NRG3: variants seen among roughly 807,000 people sequenced by gnomAD.
NRG3 encodes pro-neuregulin-3, membrane-bound isoform.
Under a neutral mutation model 66.9 loss-of-function variants are expected in NRG3, and 31 were observed. That is an observed-to-expected ratio of 0.46 (90% CI 0.35 to 0.63). The LOEUF (loss-of-function observed/expected upper bound fraction) is 0.63, where lower values mean the gene tolerates loss of function less well. Among genes scored for constraint, NRG3 ranks in the 20% least tolerant of loss-of-function variants. The pLI is 0.00. For synonymous variants in NRG3, 393 were observed against 359.4 expected (o/e 1.09, Z -1.06); for missense variants, 910 against 878.9 (o/e 1.04, Z -0.45).
At chr10:82,758,474 T>A (rs1414443632) in intron 3 of NRG3, among the ~76,000 whole-genome samples, 1 of 152,124 alleles carries the variant, frequency 6.6e-6, no homozygotes, top group African/African-American at 2.4e-5. Context: ...TTCTCTCATT[T>A]GATAAGAAAA....
chr10:82,516,240 A>G (rs948550923), intron 2 of NRG3, among the ~76,000 whole-genome samples: 3 of 152,064 alleles, frequency 2.0e-5, no homozygotes, highest in African/African-American at 7.2e-5. Flanking sequence ...TGTCTATGAC[A>G]TTCTCACTCT....
intron 1 of NRG3, among the ~76,000 whole-genome samples, chr10:82,187,341 G>A (rs961047618): frequency 1.2e-4 from 18 of 152,104 alleles, no homozygotes; most frequent in South Asian, 4.1e-4. Context: ...TGCCATTAAG[G>A]CATCGTTGCC....
In NRG3 at chr10:81,878,565, T is replaced by A. The variant is rs112936942; in HGVS notation, c.823+2402T>A. ...GATTATCAGCAGTGCTACTGTAGGATGAAAAAAGCCTGAATCACTGGTGTT... is the reference window on the plus strand; with the variant it reads ...GATTATCAGCAGTGCTACTGTAGGAAGAAAAAAGCCTGAATCACTGGTGTT... On this transcript the variant is annotated intron_variant, in intron 1 of 8. Transcript: ENST00000372141. 1.8e-3 allele frequency among the ~76,000 whole-genome samples: 274 copies of A among 152,312 alleles called. 2 individuals carry two copies. The highest frequency in any genetic ancestry group is 6.4e-3 in the African/African-American group (264 of 41,572).
At chr10:82,078,444 G>A (rs184524098) in intron 1 of NRG3, among the ~76,000 whole-genome samples, 157 of 152,220 alleles carry the variant, frequency 1.0e-3, no homozygotes, top group South Asian at 3.5e-3. Context: ...TCCGCCTCCC[G>A]CGTTCATGCC....
At chr10:81,971,177 C>G (rs562754281) in intron 1 of NRG3, among the ~76,000 whole-genome samples, 1 of 152,174 alleles carries the variant, frequency 6.6e-6, no homozygotes, top group Non-Finnish European at 1.5e-5. Flanking sequence ...AGTATTGTGC[C>G]TATGCAAGTG....
chr10:82,095,743 C>T (rs2066297266), intron 1 of NRG3, among the ~76,000 whole-genome samples: 1 of 152,188 alleles, frequency 6.6e-6, no homozygotes, highest in Non-Finnish European at 1.5e-5. Context: ...TAAAACTTAA[C>T]TCACTCTTCC....
At chr10:82,116,831 G>C (rs1473042370) in intron 1 of NRG3, among the ~76,000 whole-genome samples, 1 of 152,032 alleles carries the variant, frequency 6.6e-6, no homozygotes, top group African/African-American at 2.4e-5. Flanking sequence ...AAGATTTGAG[G>C]AGCTACTTCC....
chr10:82,278,293 C>T (rs139260907), intron 1 of NRG3, among the ~76,000 whole-genome samples: 38 of 152,112 alleles, frequency 2.5e-4, no homozygotes, highest in African/African-American at 8.9e-4. Context: ...GGAGAAGGTG[C>T]GTGCAGATGT....
intron 1 of NRG3, among the ~76,000 whole-genome samples, chr10:82,226,271 C>T (rs900077824): frequency 6.6e-6 from 1 of 152,138 alleles, no homozygotes; most frequent in South Asian, 2.1e-4. Flanking sequence ...ATTTGTACAT[C>T]AAGGAATTCT....
intron 6 of NRG3, 43 bp downstream of exon 6, chr10:82,959,118 G>A: frequency 5.2e-6 from 8 of 1,525,374 alleles, no homozygotes; most frequent in Non-Finnish European, 7.0e-6. Flanking sequence ...GCCTACCTCA[G>A]TGCTTCCAGC....
intron 1 of NRG3, among the ~76,000 whole-genome samples, chr10:81,943,841 C>T (rs1253667465): frequency 1.3e-5 from 2 of 152,080 alleles, no homozygotes; most frequent in Non-Finnish European, 2.9e-5. Flanking sequence ...TTTTTTCTTA[C>T]ATTTACTCAC....
intron 2 of NRG3, among the ~76,000 whole-genome samples, chr10:82,611,008 A>T (rs1203817987): frequency 3.9e-5 from 6 of 152,084 alleles, no homozygotes; most frequent in African/African-American, 1.4e-4. Flanking sequence ...TATTTTAATG[A>T]TTATAAATAT....
chr10:82,019,923 G>A (rs1020741046), intron 1 of NRG3, among the ~76,000 whole-genome samples: 3 of 151,816 alleles, frequency 2.0e-5, no homozygotes, highest in Admixed American at 1.3e-4. Context: ...AGGGTTTTTT[G>A]TGTCTCCATT....
chr10:82,784,382 T>C (rs1193553768), intron 3 of NRG3, among the ~76,000 whole-genome samples: 12 of 150,906 alleles, frequency 8.0e-5, no homozygotes, highest in Admixed American at 7.2e-4. Context: ...CTAAAGAGCT[T>C]CTGCACAGCA....
intron 1 of NRG3, among the ~76,000 whole-genome samples, chr10:81,876,654 G>A (rs1167854157): frequency 6.6e-6 from 1 of 152,178 alleles, no homozygotes; most frequent in East Asian, 1.9e-4. Flanking sequence ...CCTTGTGTGG[G>A]GTGACGAGTT....
intron 2 of NRG3, among the ~76,000 whole-genome samples, chr10:82,540,862 C>G (rs1338930151): frequency 6.6e-6 from 1 of 152,134 alleles, no homozygotes; most frequent in Non-Finnish European, 1.5e-5. Context: ...GACGTTCTAA[C>G]CCCCAGTACC....
rs144597313 is a variant in NRG3 at position 82,789,835 on chromosome 10, C to T, written c.1027+51185C>T. ...CATTTTAATTCCCTTTTTTTTTTAACGATGTAATTTTAAATTTTATTTTTG... is the reference window on the plus strand; with the variant it reads ...CATTTTAATTCCCTTTTTTTTTTAATGATGTAATTTTAAATTTTATTTTTG... On this transcript the variant is annotated intron_variant, in intron 3 of 8. Transcript: ENST00000372141. Among the ~76,000 whole-genome samples the T allele has an allele frequency of 5.0e-3, 756 of 149,998 alleles. 2 individuals carry two copies. The highest frequency in any genetic ancestry group is 0.018 in the African/African-American group (730 of 40,858).
chr10:82,355,808 A>G (rs1350099855), intron 1 of NRG3, among the ~76,000 whole-genome samples: 1 of 152,248 alleles, frequency 6.6e-6, no homozygotes, highest in Non-Finnish European at 1.5e-5. Flanking sequence ...AATATATAGT[A>G]AAATGCATAG....
intron 1 of NRG3, among the ~76,000 whole-genome samples, chr10:81,921,692 G>A (rs145563756): frequency 0.031 from 4,727 of 152,064 alleles, 119 homozygotes; most frequent in South Asian, 0.082. Flanking sequence ...TGTTGTTCTG[G>A]CCATTCCTTT....
Sources: allele counts gnomAD v4.1 joint callset (sites outside exome capture counted in the v4.1 genomes callset), GRCh38; gene constraint gnomAD v4.1.1; transcripts MANE v1.5; gene names NCBI Gene and HGNC (gene_info 2026-07-23, HGNC 2026-07-21).